Variants in SHISA9 observed in about 807,000 individuals in gnomAD.
The protein encoded by SHISA9 is protein shisa-9.
SHISA9 carries 13 observed loss-of-function variants against 38.0 expected under a neutral mutation model. The ratio of observed to expected loss-of-function variants is 0.34; its 90% CI spans 0.22 to 0.54. The LOEUF (loss-of-function observed/expected upper bound fraction) is 0.54. Ranked by LOEUF, SHISA9 falls within the 20% of genes least tolerant of loss-of-function variation. SHISA9 has a pLI of 0.91. For missense variants in SHISA9, 538 were observed against 575.8 expected (o/e 0.93, Z 0.67); for synonymous variants, 275 against 242.0 (o/e 1.14, Z -1.27).
chr16:13,142,013 G>C (rs1480910202), intron 2 of SHISA9, among the ~76,000 whole-genome samples: 1 of 152,174 alleles, frequency 6.6e-6, no homozygotes, highest in African/African-American at 2.4e-5. Context: ...TCAGATTGTA[G>C]AAAGATTACG....
chr16:13,008,750 T>TA (rs2072633432), intron 2 of SHISA9, among the ~76,000 whole-genome samples: 1 of 150,844 alleles, frequency 6.6e-6, no homozygotes, highest in Non-Finnish European at 1.5e-5. Flanking sequence ...ACCATGATTG[T>TA]AAGTTTCCTG....
At chr16:12,951,091 G>T (rs113372474) in intron 2 of SHISA9, among the ~76,000 whole-genome samples, 36 of 150,510 alleles carry the variant, frequency 2.4e-4, no homozygotes, top group Admixed American at 2.2e-3. Flanking sequence ...CGTGGTGGCA[G>T]GCACCTGTAA....
chr16:13,367,712 G>GCA, the SHISA9 span, among the ~76,000 whole-genome samples: 6,302 of 104,580 alleles, frequency 0.06, 209 homozygotes, highest in African/African-American at 0.078. Context: ...GCGCGCGCGC[G>GCA]CACACACACA....
At chr16:13,081,079 GA>G (rs1410672352) in intron 2 of SHISA9, among the ~76,000 whole-genome samples, 1 of 152,196 alleles carries the variant, frequency 6.6e-6, no homozygotes, top group African/African-American at 2.4e-5. Context: ...TTCAACATAT[GA>G]ATTCGGAGAG....
chr16:12,970,404 C>CATATATGTATACATATATGT, intron 2 of SHISA9, among the ~76,000 whole-genome samples: 1 of 11,724 alleles, frequency 8.5e-5, no homozygotes, highest in Non-Finnish European at 2.0e-4. Context: ...TATATATATA[C>CATATATGTATACATATATGT]ATATATATAT....
chr16:13,350,200 C>T, the SHISA9 span: 1 of 152,222 alleles, frequency 6.6e-6, no homozygotes, highest in Admixed American at 6.5e-5. Flanking sequence ...CCCTTCTTCT[C>T]CTGCCTTTGG....
In SHISA9 at chr16:12,962,215, G is replaced by C. The variant is rs113837006; in HGVS notation, c.691+45400G>C. ...CAAATTCTCAAGACAACAGCCCTAG[G>C]AGGCAGGAAGGGGAAACTGAGACTC... On this transcript the variant is annotated intron_variant, in intron 2 of 4. Transcript: ENST00000558583. Among the ~76,000 whole-genome samples the C allele has an allele frequency of 9.4e-4, 143 of 152,336 alleles. 1 individual carries two copies. Among genetic ancestry groups the C allele is most frequent in the African/African-American group, 3.3e-3 (139 of 41,578 alleles).
At chr16:13,014,009 G>C (rs545855622) in intron 2 of SHISA9, among the ~76,000 whole-genome samples, 1 of 152,134 alleles carries the variant, frequency 6.6e-6, no homozygotes, top group Non-Finnish European at 1.5e-5. Context: ...GATTACAGGC[G>C]TGAACCACCG....
the SHISA9 span, among the ~76,000 whole-genome samples, chr16:13,530,892 GC>G: frequency 6.6e-6 from 1 of 152,196 alleles, no homozygotes; most frequent in Non-Finnish European, 1.5e-5. Flanking sequence ...ACAGGCGCTT[GC>G]TAGAGACTTC....
chr16:13,354,489 CT>C, the SHISA9 span, among the ~76,000 whole-genome samples: 38 of 150,998 alleles, frequency 2.5e-4, no homozygotes, highest in Non-Finnish European at 4.9e-4. Flanking sequence ...TTGTGGGAGA[CT>C]CAACAAAGAG....
At chr16:13,233,088 T>C (rs1418836956) in intron 4 of SHISA9, among the ~76,000 whole-genome samples, 1 of 152,154 alleles carries the variant, frequency 6.6e-6, no homozygotes, top group East Asian at 1.9e-4. Context: ...TTCTTTGTCA[T>C]GTAATGTTGT....
rs143335782 is a variant in SHISA9 at position 13,053,254 on chromosome 16, C to A, written c.691+136439C>A. On this transcript the variant is annotated intron_variant, in intron 2 of 4. Transcript: ENST00000558583. ...CTGGGATTACAGGTGTGAACCATCG[C>A]ACGCAGCCCCCTTTCCTTTCTACTG... 3.8e-3 allele frequency among the ~76,000 whole-genome samples: 570 copies of A among 151,146 alleles called. 6 individuals carry two copies. The highest frequency in any genetic ancestry group is 0.013 in the African/African-American group (531 of 40,546).
chr16:13,087,479 C>T (rs907786012), intron 2 of SHISA9, among the ~76,000 whole-genome samples: 1 of 152,164 alleles, frequency 6.6e-6, no homozygotes, highest in African/African-American at 2.4e-5. Flanking sequence ...ACATCCTCTC[C>T]AGCATCTGTT....
chr16:13,084,271 C>T (rs1033275902), intron 2 of SHISA9, among the ~76,000 whole-genome samples: 4 of 152,206 alleles, frequency 2.6e-5, no homozygotes, highest in South Asian at 2.1e-4. Context: ...CCACAAATCT[C>T]ATTCTGCTGC....
At position 13,011,940 on chromosome 16, in the gene SHISA9, C is replaced by T. The variant is rs536242359; in HGVS notation, c.691+95125C>T. ...TCCCAGGTTCAAGCGATTCTCATGC[C>T]TCAGCCTCCCGAGTAGCTGGAACTA... On this transcript the variant is annotated intron_variant, in intron 2 of 4. Transcript: ENST00000558583. Among the ~76,000 whole-genome samples the T allele has an allele frequency of 3.9e-5, 6 of 152,236 alleles. No homozygotes were observed. The East Asian group carries it at 1.2e-3, about 29-fold the overall frequency.
chr16:13,121,700 C>T (rs942390343), intron 2 of SHISA9, among the ~76,000 whole-genome samples: 3 of 152,088 alleles, frequency 2.0e-5, no homozygotes, highest in African/African-American at 4.8e-5. Flanking sequence ...ATGCTAACTC[C>T]GTGGGGATGG....
At chr16:13,490,740 G>A in the SHISA9 span, among the ~76,000 whole-genome samples, 1 of 152,280 alleles carries the variant, frequency 6.6e-6, no homozygotes, top group Non-Finnish European at 1.5e-5. Context: ...CTTCCCTTCT[G>A]TAGTGTGCCA....
chr16:13,172,741 ATT>A lies in SHISA9; in HGVS notation c.692-30635_692-30634del, dbSNP rs35564627. Among the ~76,000 whole-genome samples, 381 of 128,828 alleles carry A rather than the reference ATT, an allele frequency of 3.0e-3. 2 individuals carry two copies. Among genetic ancestry groups the A allele is most frequent in the South Asian group, 0.011 (43 of 3,916 alleles). 84.5% of individuals were successfully genotyped at this position (128,828 alleles called of 152,430 possible). On this transcript the variant is annotated intron_variant, in intron 2 of 4. Coordinates refer to ENST00000558583, the MANE Select transcript of SHISA9 (RefSeq NM_001145204.3). Reference sequence around the variant, plus strand: ...TAATTACAATTCACTTATCTTGATGATTTTTTTTTTTTTTTTTTTGGTAAATA... The same window carrying A: ...TAATTACAATTCACTTATCTTGATGATTTTTTTTTTTTTTTTTGGTAAATA...
At chr16:13,248,428 A>G in the SHISA9 span, among the ~76,000 whole-genome samples, 3 of 152,240 alleles carry the variant, frequency 2.0e-5, no homozygotes, top group Admixed American at 2.0e-4. Context: ...AGCACCATAA[A>G]GAAATAAAGA....
Sources: allele counts gnomAD v4.1 joint callset (sites outside exome capture counted in the v4.1 genomes callset), GRCh38; gene constraint gnomAD v4.1.1; transcripts MANE v1.5; gene names NCBI Gene and HGNC (gene_info 2026-07-23, HGNC 2026-07-21).